The following NECAB1 variants were observed in gnomAD, a reference collection of about 807,000 sequenced individuals.
The protein encoded by NECAB1 is N-terminal EF-hand calcium-binding protein 1.
In NECAB1, 29 loss-of-function variants were observed where a neutral mutation model predicts 57.5. The ratio of observed to expected loss-of-function variants is 0.50; its 90% CI spans 0.38 to 0.69. The LOEUF (loss-of-function observed/expected upper bound fraction) is 0.69. Among genes scored for constraint, NECAB1 ranks in the 30% least tolerant of loss-of-function variants. The pLI, the probability that NECAB1 is intolerant of heterozygous loss-of-function variation, is 0.00. For missense variants in NECAB1, 372 were observed against 413.8 expected, an observed-to-expected ratio of 0.90 and a Z score of 0.88; for synonymous variants, 142 against 147.7, an observed-to-expected ratio of 0.96 and a Z score of 0.28.
intron 10 of NECAB1, among the ~76,000 whole-genome samples, chr8:90,946,582 C>A (rs1432416616): frequency 6.6e-6 from 1 of 152,224 alleles, no homozygotes; most frequent in Non-Finnish European, 1.5e-5. Flanking sequence ...AGGCAACAAT[C>A]TCAAGGTTCT....
intron 1 of NECAB1, among the ~76,000 whole-genome samples, chr8:90,800,369 C>T (rs1202249034): frequency 6.6e-6 from 1 of 152,088 alleles, no homozygotes; most frequent in African/African-American, 2.4e-5. Flanking sequence ...GAGTGGGCGT[C>T]CTTGTCTTGT....
At chr8:90,866,809 T>G (rs748250407) in intron 3 of NECAB1, among the ~76,000 whole-genome samples, 1 of 152,196 alleles carries the variant, frequency 6.6e-6, no homozygotes. Context: ...TCGGTGGGAA[T>G]GTAAATTAGT....
intron 10 of NECAB1, among the ~76,000 whole-genome samples, chr8:90,943,992 T>A (rs1810738502): frequency 6.6e-6 from 1 of 152,190 alleles, no homozygotes; most frequent in African/African-American, 2.4e-5. Context: ...GCTCAAGCGA[T>A]CCTCTTGCCT....
At chr8:90,873,661 G>C (rs1447140702) in intron 4 of NECAB1, among the ~76,000 whole-genome samples, 1 of 152,142 alleles carries the variant, frequency 6.6e-6, no homozygotes, top group Non-Finnish European at 1.5e-5. Flanking sequence ...TGCCTGGGTA[G>C]GCCACAGCTG....
At chr8:90,810,695 CTATA>C (rs1329305717) in intron 2 of NECAB1, among the ~76,000 whole-genome samples, 1 of 152,016 alleles carries the variant, frequency 6.6e-6, no homozygotes, top group Admixed American at 6.6e-5. Context: ...GGAAGGCAGA[CTATA>C]AAAAAACTGA....
intron 3 of NECAB1, among the ~76,000 whole-genome samples, chr8:90,861,245 C>T (rs1253546774): frequency 1.3e-5 from 2 of 152,046 alleles, no homozygotes; most frequent in African/African-American, 2.4e-5. Flanking sequence ...AGAGGTTGAC[C>T]CACAGGCAAG....
chr8:90,830,399 C>T (rs893931876), intron 3 of NECAB1, among the ~76,000 whole-genome samples: 1 of 151,852 alleles, frequency 6.6e-6, no homozygotes, highest in African/African-American at 2.4e-5. Flanking sequence ...CAGGAAGGAA[C>T]AAGAAAAGAG....
intron 3 of NECAB1, among the ~76,000 whole-genome samples, chr8:90,854,594 T>C (rs926937150): frequency 1.3e-5 from 2 of 152,218 alleles, no homozygotes; most frequent in Non-Finnish European, 2.9e-5. Flanking sequence ...CTTCAACTGA[T>C]GTATTAATGT....
At chr8:90,902,199 C>T (rs1022934088) in intron 5 of NECAB1, among the ~76,000 whole-genome samples, 1 of 152,262 alleles carries the variant, frequency 6.6e-6, no homozygotes, top group East Asian at 1.9e-4. Flanking sequence ...GAGGGTGGAT[C>T]ACTTGAGGTC....
At chr8:90,800,211 T>G (rs1040802080) in intron 1 of NECAB1, among the ~76,000 whole-genome samples, 19 of 152,068 alleles carry the variant, frequency 1.2e-4, no homozygotes, top group African/African-American at 4.6e-4. Flanking sequence ...TTTGGTGGAG[T>G]CTTTGAGTTT....
At chr8:90,920,511 G>T (rs962026096) in intron 6 of NECAB1, among the ~76,000 whole-genome samples, 1 of 152,144 alleles carries the variant, frequency 6.6e-6, no homozygotes, top group Non-Finnish European at 1.5e-5. Flanking sequence ...CAGTGAAAAC[G>T]CCTGATGGGA....
At chr8:90,942,132 G>C (rs1810684198) in intron 10 of NECAB1, among the ~76,000 whole-genome samples, 1 of 152,172 alleles carries the variant, frequency 6.6e-6, no homozygotes, top group Non-Finnish European at 1.5e-5. Context: ...AATAAACATG[G>C]AATTTTACTA....
chr8:90,856,218 A>G (rs1812791715), intron 3 of NECAB1, among the ~76,000 whole-genome samples: 1 of 152,228 alleles, frequency 6.6e-6, no homozygotes. Flanking sequence ...CAAATTTTTT[A>G]AAGGGAGGAG....
intron 4 of NECAB1, among the ~76,000 whole-genome samples, chr8:90,878,639 C>T (rs1185169535): frequency 6.6e-6 from 1 of 152,076 alleles, no homozygotes; most frequent in Non-Finnish European, 1.5e-5. Flanking sequence ...ATTTTCTTTA[C>T]TATCTAGTGA....
At chr8:90,872,298 CTT>C (rs1808635978) in intron 4 of NECAB1, 145 bp downstream of exon 4, 1 of 649,910 alleles carries the variant, frequency 1.5e-6, no homozygotes, top group East Asian at 3.1e-5. Context: ...AGGGATTTAT[CTT>C]TACCCGTGAA....
intron 3 of NECAB1, among the ~76,000 whole-genome samples, chr8:90,839,279 A>G (rs1043396973): frequency 1.3e-5 from 2 of 152,234 alleles, no homozygotes; most frequent in South Asian, 2.1e-4. Context: ...GAGAGAGGAC[A>G]CCGTTAAATT....
At chr8:90,859,008 C>T (rs909979771) in intron 3 of NECAB1, 1 of 152,086 alleles carries the variant, frequency 6.6e-6, no homozygotes, top group Non-Finnish European at 1.5e-5. Flanking sequence ...TTTGGAATTC[C>T]CCAAATTGAG....
chr8:90,842,661 C>G (rs1463920), intron 3 of NECAB1, among the ~76,000 whole-genome samples: 2 of 152,108 alleles, frequency 1.3e-5, no homozygotes, highest in Non-Finnish European at 2.9e-5. Flanking sequence ...CACTCAGAGA[C>G]GTTTCCAATG....
Position 90,955,591 on chromosome 8 carries a change from G to A in NECAB1, c.*79G>A. On this transcript the variant is annotated 3_prime_UTR_variant, in exon 13 of 13. Coordinates refer to ENST00000417640, the MANE Select transcript of NECAB1 (RefSeq NM_022351.5). ...TAAAACGTCAATTAGAAAATTATCT[G>A]CGGTTGTTAATCTACTGTATATTTT... 5.4e-6 allele frequency: 6 copies of A among 1,111,534 alleles called. No homozygotes were observed. The highest frequency in any genetic ancestry group is 7.7e-6 in the Non-Finnish European group (6 of 778,100). The allele number at this position is 1,111,534 out of a possible 1,614,324, so 68.9% of individuals were successfully genotyped here. A position where few individuals can be genotyped will look rare whatever the true frequency, so the allele number is the denominator to read the frequency against.
Sources: allele counts gnomAD v4.1 joint callset (sites outside exome capture counted in the v4.1 genomes callset), GRCh38; gene constraint gnomAD v4.1.1; transcripts MANE v1.5; gene names NCBI Gene and HGNC (gene_info 2026-07-23, HGNC 2026-07-21).